Variants in ANO9 observed in about 807,000 individuals in gnomAD.
ANO9 encodes the protein anoctamin 9.
ANO9 carries 80 observed loss-of-function variants against 100.5 expected under a neutral mutation model. That is an observed-to-expected ratio of 0.80 (90% CI 0.66 to 0.96). ANO9 has a LOEUF of 0.96. Ranked by LOEUF, ANO9 falls within the 40% of genes least tolerant of loss-of-function variation. The pLI is 0.00. For synonymous variants in ANO9, 473 were observed against 435.6 expected (o/e 1.09, Z -1.07); for missense variants, 1,064 against 1,072.7 (o/e 0.99, Z 0.11).
chr11:419,907 G>T (rs1848071887), intron 19 of ANO9, 178 bp from the exon 20 acceptor site: 1 of 1,410,418 alleles, frequency 7.1e-7, no homozygotes, highest in Non-Finnish European at 9.2e-7. Flanking sequence ...TGGCCTCTGC[G>T]CTCCTGCACC....
At chr11:434,616 C>T (rs1349412449) in intron 1 of ANO9, among the ~76,000 whole-genome samples, 1 of 152,172 alleles carries the variant, frequency 6.6e-6, no homozygotes, top group Non-Finnish European at 1.5e-5. Flanking sequence ...AGGGCACTCG[C>T]GGCGGCCCCA....
chr11:421,056 CAGG>C lies in ANO9; in HGVS notation c.1393-17_1393-15del, dbSNP rs780100201. The C allele has an allele frequency of 1.4e-5, 22 of 1,597,276 alleles. No individual in the cohort carries two copies. In the Admixed American group the frequency reaches 2.2e-4, roughly 16 times the overall value. ...GCTGGCGTGGCACTGCGGGGCCAGACAGGAGGAGATCAGGGAGGGGTCCTGGGG... is the reference window on the plus strand; with the variant it reads ...GCTGGCGTGGCACTGCGGGGCCAGACAGGAGATCAGGGAGGGGTCCTGGGG... On this transcript the variant is annotated splice_polypyrimidine_tract_variant and intron_variant, in intron 16 of 22. Transcript: ENST00000332826. The surrounding 1 kb of genome is among the most constrained non-coding windows in gnomAD (Gnocchi z 6.8).
rs200107459 is a variant in ANO9 at position 431,711 on chromosome 11, C to T, written c.522G>A (p.Gln174=). The stretch of plus-strand genomic sequence containing the variant: ...AGCGTTACCTGATTTCATCAACTGG[C>T]TGCTCCCGGAACATGTGTCTCCACC... ...WARWRHMFRE[Q]PVDEIRNYFG... is the part of the protein sequence containing the mutation. Residue 174 remains glutamine (Q), a synonymous_variant, in exon 7 of 23, where the codon CAG becomes CAA. Coordinates refer to ENST00000332826, the MANE Select transcript of ANO9 (RefSeq NM_001012302.3). 1.2e-6 allele frequency: 2 copies of T among 1,612,526 alleles called. No individual in the cohort carries two copies. Among genetic ancestry groups the T allele is most frequent in the East Asian group, 4.5e-5 (2 of 44,878 alleles).
In ANO9 at chr11:421,037, G is replaced by A. The variant is rs752391643; in HGVS notation, c.1398C>T (p.His466=). The change falls in exon 17 of 23, where the codon CAC becomes CAT. Residue 466 remains histidine, a synonymous_variant. Transcript: ENST00000332826. The surrounding 1 kb of genome is among the most constrained non-coding windows in gnomAD (Gnocchi z 6.8). Reference sequence around the variant, plus strand: ...AGAGGTCCATCATGCAGCCGCTGGCGTGGCACTGCGGGGCCAGACAGGAGG... The same window carrying A: ...AGAGGTCCATCATGCAGCCGCTGGCATGGCACTGCGGGGCCAGACAGGAGG... ...LAGLWKLEEC[H]ASGCMMDLFV... 82 of 1,602,632 alleles carry A rather than the reference G, an allele frequency of 5.1e-5. No individual in the cohort carries two copies. The highest frequency in any genetic ancestry group is 3.7e-4 in the Admixed American group (22 of 59,732).
chr11:428,880 GGAGACAGACACA>G (rs1432956240), intron 11 of ANO9, 54 bp from the exon 12 acceptor site: 5 of 1,544,186 alleles, frequency 3.2e-6, no homozygotes, highest in Non-Finnish European at 4.5e-6. Flanking sequence ...CCACATGTGG[GGAGACAGACACA>G]GAGACACACC....
intron 1 of ANO9, 58 bp downstream of exon 1, chr11:441,863 A>G (rs1845909667): frequency 3.8e-6 from 6 of 1,580,086 alleles, no homozygotes; most frequent in Non-Finnish European, 4.3e-6. Flanking sequence ...CGGGGGCCCC[A>G]GGTGTGGGCG....
intron 15 of ANO9, among the ~76,000 whole-genome samples, chr11:423,070 C>T (rs529639618): frequency 8.4e-4 from 128 of 152,260 alleles, no homozygotes; most frequent in Middle Eastern, 6.8e-3. Flanking sequence ...CCTCATGATC[C>T]GCCCACCTCG....
In ANO9 at chr11:428,490, G is replaced by A. The variant is rs780774138; in HGVS notation, c.1170C>T (p.Ile390=). The A allele has an allele frequency of 4.7e-5, 75 of 1,612,360 alleles. No homozygotes were observed. The East Asian group carries it at 1.2e-3, about 25-fold the overall frequency. Residue 390 remains isoleucine (I), a synonymous_variant, in exon 13 of 23, where the codon ATC becomes ATT. Coordinates refer to ENST00000332826, the MANE Select transcript of ANO9 (RefSeq NM_001012302.3). ...VTGALVHYVT[I]IIMTKINRCV... ...CCGGCCCCACCTTGGTCATGATGAT[G>A]ATGGTCACATAGTGCACCAGAGCCC...
chr11:440,129 C>A (rs944650911), intron 1 of ANO9, among the ~76,000 whole-genome samples: 1 of 152,132 alleles, frequency 6.6e-6, no homozygotes, highest in East Asian at 1.9e-4. Context: ...GTCAGCACCT[C>A]CCAGGGACTC....
chr11:430,220 C>A (rs1018151821), intron 8 of ANO9, 41 bp from the exon 9 acceptor site: 15 of 1,550,434 alleles, frequency 9.7e-6, no homozygotes, highest in Non-Finnish European at 1.3e-5. Context: ...CTCCTCCAGG[C>A]AGCAGGGCCC....
At chr11:427,591 G>T (rs1848596255) in intron 15 of ANO9, among the ~76,000 whole-genome samples, 1 of 152,048 alleles carries the variant, frequency 6.6e-6, no homozygotes, top group Non-Finnish European at 1.5e-5. Context: ...AATTAGCTGG[G>T]TGTGGTGGTG....
At chr11:426,494 A>G (rs1207178563) in intron 15 of ANO9, among the ~76,000 whole-genome samples, 1 of 152,154 alleles carries the variant, frequency 6.6e-6, no homozygotes, top group Non-Finnish European at 1.5e-5. Context: ...GATTGCTGGA[A>G]CCAGGAGTTT....
intron 19 of ANO9, chr11:420,031 G>A: frequency 6.7e-6 from 9 of 1,346,076 alleles, no homozygotes; most frequent in Non-Finnish European, 8.6e-6. Context: ...CCCAGGGTAA[G>A]ACCTTGTAAC....
At position 430,162 on chromosome 11, in the gene ANO9, G is replaced by C. The variant is rs757600565; in HGVS notation, c.692C>G (p.Ala231Gly). 2 of 1,552,424 alleles carry C rather than the reference G, an allele frequency of 1.3e-6. No homozygotes were observed. Among genetic ancestry groups the C allele is most frequent in the Non-Finnish European group, 1.7e-6 (2 of 1,148,436 alleles). The change falls in exon 9 of 23, where the codon GCC becomes GGC. Residue 231 changes from alanine (A) to glycine (G), a missense_variant. Coordinates refer to ENST00000332826, the MANE Select transcript of ANO9 (RefSeq NM_001012302.3). Reference sequence around the variant, plus strand: ...GAGGGGACACATGAGGATGTCGTGGGCCTCACAGATCTCCTTGCTGAAGGG... The same window carrying C: ...GAGGGGACACATGAGGATGTCGTGGCCCTCACAGATCTCCTTGCTGAAGGG... ...ASQISKEICE[A>G]HDILMCPLGD... is the part of the protein sequence containing the mutation.
At chr11:441,269 G>A (rs894778874) in intron 1 of ANO9, among the ~76,000 whole-genome samples, 2 of 152,148 alleles carry the variant, frequency 1.3e-5, no homozygotes, top group Non-Finnish European at 2.9e-5. Context: ...CCTGGCCCCA[G>A]GTGACCTCTT....
At chr11:440,218 C>A (rs898021375) in intron 1 of ANO9, among the ~76,000 whole-genome samples, 1 of 152,124 alleles carries the variant, frequency 6.6e-6, no homozygotes, top group African/African-American at 2.4e-5. Flanking sequence ...GAAACTGAGT[C>A]CAGGGACTCA....
Position 432,313 on chromosome 11 carries a change from C to T in ANO9, c.351-259G>A, listed in dbSNP as rs1024773633. On this transcript the variant is annotated intron_variant, in intron 4 of 22. Coordinates refer to ENST00000332826, the MANE Select transcript of ANO9 (RefSeq NM_001012302.3). This position sits in a 1 kb window ranked among gnomAD's most constrained non-coding sequence, Gnocchi z 4.8. ...CTGGGGGCTCCTTCTCCTCCCAGCC[C>T]GTCCCTCCCAGAAGCCCAGACCACA... 3.2e-5 allele frequency: 17 copies of T among 536,146 alleles called. No individual in the cohort carries two copies. Among genetic ancestry groups the T allele is most frequent in the Non-Finnish European group, 4.7e-5 (14 of 296,588 alleles). The allele number at this position is 536,146 out of a possible 1,614,324, so 33.2% of individuals were successfully genotyped here.
At chr11:420,208 C>T (rs1277711877) in intron 19 of ANO9, 17 of 1,407,166 alleles carry the variant, frequency 1.2e-5, no homozygotes, top group Non-Finnish European at 1.6e-5. Flanking sequence ...CCTGGGTCCC[C>T]CTTGGGGGCG....
intron 20 of ANO9, 167 bp downstream of exon 20, chr11:419,415 C>G (rs1474006697): frequency 7.0e-7 from 1 of 1,427,468 alleles, no homozygotes; most frequent in African/African-American, 1.4e-5. Flanking sequence ...CAGGGCCTGC[C>G]GTCAGTGGGC....
Sources: allele counts gnomAD v4.1 joint callset (sites outside exome capture counted in the v4.1 genomes callset), GRCh38; gene constraint gnomAD v4.1.1; non-coding constraint Gnocchi (gnomAD v3.1); transcripts MANE v1.5; gene names NCBI Gene and HGNC (gene_info 2026-07-23, HGNC 2026-07-21).